The following IRAK1BP1 variants were observed in gnomAD, a reference collection of about 807,000 sequenced individuals.
IRAK1BP1 encodes the protein interleukin 1 receptor associated kinase 1 binding protein 1.
IRAK1BP1 carries 24 observed loss-of-function variants against 28.0 expected under a neutral mutation model. The ratio of observed to expected loss-of-function variants is 0.86; its 90% CI spans 0.62 to 1.20. IRAK1BP1 has a LOEUF of 1.20. Among genes scored for constraint, IRAK1BP1 ranks in the 50% most tolerant of loss-of-function variants. The pLI, the probability that IRAK1BP1 is intolerant of heterozygous loss-of-function variation, is 0.00. For missense variants in IRAK1BP1, 336 were observed against 316.7 expected (o/e 1.06, Z -0.46); for synonymous variants, 131 against 116.3 (o/e 1.13, Z -0.81).
the IRAK1BP1 span, among the ~76,000 whole-genome samples, chr6:78,952,204 A>C: frequency 6.6e-6 from 1 of 152,076 alleles, no homozygotes. Flanking sequence ...GCAGATCACA[A>C]GGTCAAGAGA....
chr6:78,918,812 A>T (rs1253401712), intron 4 of IRAK1BP1, among the ~76,000 whole-genome samples: 3 of 152,184 alleles, frequency 2.0e-5, no homozygotes, highest in Non-Finnish European at 4.4e-5. Flanking sequence ...CGGAAAACTA[A>T]CAAAGAAATT....
chr6:78,936,663 C>T (rs1202614843), intron 4 of IRAK1BP1: 3 of 151,732 alleles, frequency 2.0e-5, no homozygotes, highest in Non-Finnish European at 4.4e-5. Context: ...AAAATAATAT[C>T]TATTTATAGC....
At chr6:78,874,381 A>G (rs1241522809) in intron 1 of IRAK1BP1, among the ~76,000 whole-genome samples, 1 of 151,794 alleles carries the variant, frequency 6.6e-6, no homozygotes, top group African/African-American at 2.4e-5. Context: ...TGACATGAGG[A>G]TTCTGTATTT....
At chr6:78,933,826 T>C (rs529777717) in intron 4 of IRAK1BP1, among the ~76,000 whole-genome samples, 55 of 152,274 alleles carry the variant, frequency 3.6e-4, no homozygotes, top group African/African-American at 1.3e-3. Flanking sequence ...TTATCAGCCA[T>C]AAGGTTGCTT....
At chr6:78,946,478 CACTA>C (rs1021001775), downstream of IRAK1BP1, 10 of 1,396,910 alleles carry the variant, frequency 7.2e-6, no homozygotes, top group African/African-American at 1.5e-4. Context: ...ATGATGCCAT[CACTA>C]TCCTAAAAAT....
chr6:78,911,621 T>A (rs776848715), intron 4 of IRAK1BP1, among the ~76,000 whole-genome samples: 9 of 152,220 alleles, frequency 5.9e-5, no homozygotes, highest in Non-Finnish European at 8.8e-5. Context: ...CCCTTTTGTA[T>A]CTTACAGCAG....
intron 4 of IRAK1BP1, among the ~76,000 whole-genome samples, chr6:78,933,937 A>C (rs993236604): frequency 2.6e-5 from 4 of 152,190 alleles, no homozygotes; most frequent in Non-Finnish European, 1.5e-5. Flanking sequence ...CAATAGTTTC[A>C]GCTTTCAGCC....
At chr6:78,869,039 G>C (rs1007484602) in intron 1 of IRAK1BP1, among the ~76,000 whole-genome samples, 6 of 152,162 alleles carry the variant, frequency 3.9e-5, no homozygotes, top group Non-Finnish European at 5.9e-5. Context: ...ATTTGGACAA[G>C]ATTTCTTCAA....
At chr6:78,873,122 G>C (rs1581988806) in intron 1 of IRAK1BP1, among the ~76,000 whole-genome samples, 1 of 151,670 alleles carries the variant, frequency 6.6e-6, no homozygotes, top group Non-Finnish European at 1.5e-5. Context: ...CAGGCATGGT[G>C]GTGGGCGCCT....
intron 1 of IRAK1BP1, among the ~76,000 whole-genome samples, chr6:78,879,217 G>C (rs1771128045): frequency 6.6e-6 from 1 of 152,056 alleles, no homozygotes; most frequent in South Asian, 2.1e-4. Flanking sequence ...GGGGTAGGGG[G>C]TAGGGATAGC....
chr6:78,973,172 G>T, the IRAK1BP1 span, among the ~76,000 whole-genome samples: 60 of 152,206 alleles, frequency 3.9e-4, no homozygotes, highest in African/African-American at 1.4e-3. Context: ...GACTAACAGC[G>T]GATCTCTCAG....
chr6:78,926,159 AG>A (rs1772885266), intron 4 of IRAK1BP1, among the ~76,000 whole-genome samples: 1 of 152,172 alleles, frequency 6.6e-6, no homozygotes, highest in Non-Finnish European at 1.5e-5. Flanking sequence ...ATTACTAAAA[AG>A]TCAAAAAACA....
At chr6:78,936,008 T>C (rs1773258806) in intron 4 of IRAK1BP1, 1 of 152,218 alleles carries the variant, frequency 6.6e-6, no homozygotes, top group Non-Finnish European at 1.5e-5. Context: ...ATAGAAAGTG[T>C]CCACGTAACA....
At chr6:78,946,884 A>G (rs758417892), downstream of IRAK1BP1, 54 of 1,254,586 alleles carry the variant, frequency 4.3e-5, no homozygotes, top group East Asian at 6.1e-5. Flanking sequence ...TCTGTGAGGG[A>G]AAAAAAAAAG....
intron 4 of IRAK1BP1, chr6:78,941,294 A>G: frequency 6.2e-7 from 1 of 1,613,668 alleles, no homozygotes; most frequent in Non-Finnish European, 8.5e-7. Flanking sequence ...ATTTACTTGA[A>G]TGGTTCCTGG....
the IRAK1BP1 span, chr6:78,955,724 GATA>G: frequency 6.5e-3 from 4,442 of 683,600 alleles, 143 homozygotes; most frequent in African/African-American, 0.07. Flanking sequence ...TTAGAACCAT[GATA>G]ATTTTTTTCC....
chr6:78,964,684 G>T, the IRAK1BP1 span, among the ~76,000 whole-genome samples: 1 of 152,044 alleles, frequency 6.6e-6, no homozygotes, highest in Non-Finnish European at 1.5e-5. Context: ...GTTGAGACGG[G>T]GTTTCACCAT....
chr6:78,893,340 ATATATATATC>A (rs1443445470), intron 2 of IRAK1BP1, among the ~76,000 whole-genome samples: 1 of 133,698 alleles, frequency 7.5e-6, no homozygotes, highest in African/African-American at 2.7e-5. Context: ...ATATATATAT[ATATATATATC>A]AACGAAGAGT....
intron 4 of IRAK1BP1, among the ~76,000 whole-genome samples, chr6:78,922,253 T>C (rs987209151): frequency 6.6e-6 from 1 of 152,122 alleles, no homozygotes; most frequent in Non-Finnish European, 1.5e-5. Flanking sequence ...CTGAAAACCA[T>C]GGCACGAGAA....
Sources: allele counts gnomAD v4.1 joint callset (sites outside exome capture counted in the v4.1 genomes callset), GRCh38; gene constraint gnomAD v4.1.1; transcripts MANE v1.5; gene names NCBI Gene and HGNC (gene_info 2026-07-23, HGNC 2026-07-21).